ADGRB3: variants seen among roughly 807,000 people sequenced by gnomAD.
ADGRB3 encodes brain-specific angiogenesis inhibitor 3.
ADGRB3 carries 37 observed loss-of-function variants against 193.4 expected under a neutral mutation model. The ratio of observed to expected loss-of-function variants is 0.19; its 90% CI spans 0.15 to 0.25. ADGRB3 has a LOEUF of 0.25. Among genes scored for constraint, ADGRB3 ranks in the 10% least tolerant of loss-of-function variants. The pLI, the probability that ADGRB3 is intolerant of heterozygous loss-of-function variation, is 1.00. For missense variants in ADGRB3, 1,637 were observed against 1,852.9 expected (o/e 0.88, Z 2.14); for synonymous variants, 690 against 644.2 (o/e 1.07, Z -1.08).
intron 15 of ADGRB3, among the ~76,000 whole-genome samples, chr6:69,058,750 T>A (rs553219983): frequency 7.9e-5 from 12 of 152,242 alleles, no homozygotes; most frequent in Middle Eastern, 3.4e-3. Flanking sequence ...ATTTCTCAAT[T>A]TTTCAGTGTT....
chr6:68,723,478 G>A (rs1455625641), intron 3 of ADGRB3, among the ~76,000 whole-genome samples: 3 of 151,678 alleles, frequency 2.0e-5, no homozygotes, highest in African/African-American at 7.3e-5. Context: ...TGCACTAAGA[G>A]TCTATAATCC....
At chr6:68,773,344 A>G (rs769388817) in intron 3 of ADGRB3, among the ~76,000 whole-genome samples, 1 of 152,058 alleles carries the variant, frequency 6.6e-6, no homozygotes, top group Non-Finnish European at 1.5e-5. Flanking sequence ...ACCCTGTACT[A>G]TGTGCGCAAA....
chr6:68,817,293 T>G (rs1166449667), intron 3 of ADGRB3, among the ~76,000 whole-genome samples: 2 of 124,690 alleles, frequency 1.6e-5, no homozygotes, highest in Admixed American at 1.7e-4. Flanking sequence ...TATTTATTAT[T>G]CCCTTTTGTC....
At chr6:68,726,052 C>T (rs1398771120) in intron 3 of ADGRB3, among the ~76,000 whole-genome samples, 1 of 151,356 alleles carries the variant, frequency 6.6e-6, no homozygotes, top group African/African-American at 2.4e-5. Flanking sequence ...ATAAAATTCC[C>T]CATATAATTT....
intron 15 of ADGRB3, among the ~76,000 whole-genome samples, chr6:69,060,027 A>G (rs537916314): frequency 6.6e-6 from 1 of 152,214 alleles, no homozygotes; most frequent in East Asian, 1.9e-4. Flanking sequence ...CGTAGAATTG[A>G]TGGATGCTTT....
chr6:68,837,880 T>G (rs1320293715), intron 3 of ADGRB3, among the ~76,000 whole-genome samples: 1 of 152,148 alleles, frequency 6.6e-6, no homozygotes. Flanking sequence ...TTAAAATATA[T>G]TTATAGTAGG....
At chr6:68,767,765 T>C (rs1384892708) in intron 3 of ADGRB3, among the ~76,000 whole-genome samples, 3 of 152,112 alleles carry the variant, frequency 2.0e-5, no homozygotes, top group African/African-American at 7.2e-5. Context: ...CTGTTTGCAA[T>C]GACATGATTC....
chr6:69,232,315 G>A (rs1277915847), intron 17 of ADGRB3: 5 of 937,322 alleles, frequency 5.3e-6, no homozygotes, highest in Non-Finnish European at 5.9e-6. Context: ...AGTTCTGCTG[G>A]GGGTGGAAGG....
chr6:69,011,520 C>T (rs986643342), intron 11 of ADGRB3, among the ~76,000 whole-genome samples: 1 of 151,896 alleles, frequency 6.6e-6, no homozygotes, highest in Non-Finnish European at 1.5e-5. Flanking sequence ...ACAAACCTAA[C>T]TACTGGCTAC....
rs1269683150 is a variant in ADGRB3, at chr6:68,815,287, C to T, written c.758-115272C>T. Among the ~76,000 whole-genome samples, 8 of 152,112 alleles carry T rather than the reference C, an allele frequency of 5.3e-5. No homozygotes were observed. In the East Asian group the frequency reaches 1.5e-3, roughly 29 times the overall value. On this transcript the variant is annotated intron_variant, in intron 3 of 31. Coordinates refer to ENST00000370598, the MANE Select transcript of ADGRB3 (RefSeq NM_001704.3). ...AACCTTTTCCTTTGTTTATAGTACT[C>T]ACAAACTAAATACTGAATCTCAAAA...
At chr6:68,977,219 C>T (rs1768776770) in intron 10 of ADGRB3, among the ~76,000 whole-genome samples, 1 of 151,186 alleles carries the variant, frequency 6.6e-6, no homozygotes, top group Non-Finnish European at 1.5e-5. Flanking sequence ...TATAAAGCTT[C>T]TTTTATTAAT....
chr6:68,696,777 A>G (rs1441577263), intron 3 of ADGRB3, among the ~76,000 whole-genome samples: 1 of 152,092 alleles, frequency 6.6e-6, no homozygotes, highest in Admixed American at 6.6e-5. Flanking sequence ...ATTTATTTTT[A>G]TATTACAGGA....
intron 3 of ADGRB3, among the ~76,000 whole-genome samples, chr6:68,820,323 C>A (rs1037130595): frequency 1.3e-5 from 2 of 151,766 alleles, no homozygotes; most frequent in African/African-American, 4.8e-5. Context: ...ACTAATTTTT[C>A]TTTTGTTAAT....
At chr6:68,990,071 G>C (rs557781504) in intron 10 of ADGRB3, among the ~76,000 whole-genome samples, 1 of 151,994 alleles carries the variant, frequency 6.6e-6, no homozygotes, top group Non-Finnish European at 1.5e-5. Context: ...ATAAAGGACA[G>C]TTTGAAACAA....
At chr6:68,679,713 AG>A (rs2127297580) in intron 3 of ADGRB3, among the ~76,000 whole-genome samples, 1 of 152,230 alleles carries the variant, frequency 6.6e-6, no homozygotes, top group South Asian at 2.1e-4. Context: ...TCTGATAAGC[AG>A]GGCCATCTTT....
In ADGRB3 at chr6:69,338,930, C is replaced by T; in HGVS notation, c.3203C>T (p.Pro1068Leu). The change falls in exon 25 of 32, where the codon CCT (proline) becomes CTT (leucine). Residue 1068 changes from proline to leucine, a missense_variant. This residue lies in a region of ADGRB3 where 56 missense variants were observed against 53.3 expected (regional missense o/e 1.05). Transcript: ENST00000370598. ...TTTGTTTGCAGTCAGATGAGTGAGC[C>T]TCATAGCGGTTTGACGCTCAAATGT... ...LKHRAGQMSEPHSGLTLKCAK... is the reference protein window; with the variant it reads ...LKHRAGQMSELHSGLTLKCAK... The T allele has an allele frequency of 6.2e-7, 1 of 1,613,542 alleles. No individual in the cohort carries two copies. The highest frequency in any genetic ancestry group is 8.5e-7 in the Non-Finnish European group (1 of 1,179,740).
At chr6:68,763,984 G>C (rs1185198282) in intron 3 of ADGRB3, among the ~76,000 whole-genome samples, 1 of 152,052 alleles carries the variant, frequency 6.6e-6, no homozygotes, top group Non-Finnish European at 1.5e-5. Flanking sequence ...GAGACAGGAG[G>C]ATCACTTGAG....
chr6:68,737,204 A>C (rs910816276), intron 3 of ADGRB3, among the ~76,000 whole-genome samples: 12 of 152,158 alleles, frequency 7.9e-5, no homozygotes, highest in Admixed American at 4.6e-4. Flanking sequence ...TTATGAATCA[A>C]GTATAAGAAT....
intron 26 of ADGRB3, 129 bp downstream of exon 26, chr6:69,339,633 T>A (rs2127319352): frequency 1.7e-6 from 2 of 1,160,694 alleles, no homozygotes; most frequent in East Asian, 4.7e-5. Flanking sequence ...CACTTGGGAA[T>A]CAAAGCTGAA....
Sources: gnomAD v4.1 joint callset for allele counts (sites outside exome capture counted in the v4.1 genomes callset) on GRCh38, gnomAD v4.1.1 for gene constraint, gnomAD v4.1.1 regional missense constraint, MANE v1.5 for transcripts, NCBI Gene and HGNC (gene_info 2026-07-23, HGNC 2026-07-21) for gene names.